DNA2: variants seen among roughly 807,000 people sequenced by gnomAD.
The protein encoded by DNA2 is DNA replication helicase/nuclease 2, also known as DNA replication ATP-dependent helicase/nuclease DNA2.
A neutral mutation model predicts 119.1 loss-of-function variants in DNA2; 101 were observed. That is an observed-to-expected ratio of 0.85 (90% confidence interval 0.72 to 1.00). DNA2 has a LOEUF of 1.00. Ranked by LOEUF, DNA2 falls within the 50% of genes least tolerant of loss-of-function variation. The pLI is 0.00. For synonymous variants in DNA2, 366 were observed against 424.4 expected (o/e 0.86, Z 1.69); for missense variants, 1,121 against 1,255.5 (o/e 0.89, Z 1.62).
At position 68,431,706 on chromosome 10, in the gene DNA2, T is replaced by A. The variant is rs1276579317; in HGVS notation, c.1983+156A>T. ...TCTACATGATTACAACTGTTTGTGC[T>A]TCAGCTTTACTATTTCTCATCATTC... is the stretch of plus-strand genomic sequence containing the variant. On this transcript the variant is annotated intron_variant, in intron 13 of 20. Coordinates refer to ENST00000358410, the MANE Select transcript of DNA2 (RefSeq NM_001080449.3). The A allele has an allele frequency of 2.1e-5, 12 of 560,546 alleles. No individual in the cohort carries two copies. In the Middle Eastern group the frequency reaches 1.6e-3, roughly 73 times the overall value. The allele number at this position is 560,546 out of a possible 1,614,324, so 34.7% of individuals were successfully genotyped here. A position where few individuals can be genotyped will look rare whatever the true frequency, so the allele number is the denominator to read the frequency against.
intron 14 of DNA2, among the ~76,000 whole-genome samples, chr10:68,425,842 A>G (rs1418076415): frequency 6.6e-6 from 1 of 151,884 alleles, no homozygotes; most frequent in African/African-American, 2.4e-5. Context: ...AAACCCAAAA[A>G]ACAAATACCA....
intron 20 of DNA2, among the ~76,000 whole-genome samples, chr10:68,416,237 A>G (rs1043046639): frequency 1.3e-5 from 2 of 152,080 alleles, no homozygotes; most frequent in Non-Finnish European, 2.9e-5. Context: ...GGAGGAGGCG[A>G]GTGAATCACT....
intron 8 of DNA2, 137 bp downstream of exon 8, chr10:68,444,784 A>T: frequency 5.4e-5 from 27 of 504,304 alleles, no homozygotes; most frequent in Non-Finnish European, 6.4e-5. Context: ...TCTTAATTTT[A>T]GAAATAATAC....
chr10:68,417,044 G>A (rs2051598018), intron 19 of DNA2, among the ~76,000 whole-genome samples, 189 bp from the exon 20 acceptor site: 1 of 152,054 alleles, frequency 6.6e-6, no homozygotes, highest in African/African-American at 2.4e-5. Flanking sequence ...AGAAGTTCAA[G>A]ACCAGCCCGT....
intron 2 of DNA2, 84 bp from the exon 3 acceptor site, chr10:68,468,390 ATGAG>A (rs2052351038): frequency 1.1e-6 from 1 of 907,892 alleles, no homozygotes; most frequent in Admixed American, 4.0e-5. Context: ...AAAAAAATAA[ATGAG>A]TATTTTATCT....
intron 1 of DNA2, 32 bp downstream of exon 1, chr10:68,471,759 T>C: frequency 6.4e-7 from 1 of 1,555,122 alleles, no homozygotes; most frequent in Non-Finnish European, 8.7e-7. Flanking sequence ...ATCTCCCGCT[T>C]TGTTCCCACA....
intron 4 of DNA2, among the ~76,000 whole-genome samples, chr10:68,465,449 T>C (rs1012190246): frequency 1.1e-4 from 16 of 152,214 alleles, no homozygotes; most frequent in South Asian, 2.1e-4. Flanking sequence ...GAATCTGTTA[T>C]GCACATGTAC....
chr10:68,419,707 TA>T (rs2051639886), intron 18 of DNA2, 95 bp downstream of exon 18: 1 of 891,900 alleles, frequency 1.1e-6, no homozygotes, highest in African/African-American at 1.7e-5. Context: ...CTTATCTTAA[TA>T]AACGAGACTT....
At chr10:68,436,420 AG>A (rs2051889079) in intron 10 of DNA2, among the ~76,000 whole-genome samples, 1 of 152,176 alleles carries the variant, frequency 6.6e-6, no homozygotes, top group Non-Finnish European at 1.5e-5. Flanking sequence ...GACTTCAGGG[AG>A]GAGAGAGTGG....
At chr10:68,432,849 C>A (rs1050703281) in intron 10 of DNA2, among the ~76,000 whole-genome samples, 6 of 152,186 alleles carry the variant, frequency 3.9e-5, no homozygotes, top group Non-Finnish European at 8.8e-5. Context: ...ACCTGGAGTG[C>A]AGGCTTCTTT....
chr10:68,449,973 C>CAA (rs57883442), intron 6 of DNA2, 55 bp downstream of exon 6: 3,066 of 970,694 alleles, frequency 3.2e-3, no homozygotes, highest in African/African-American at 4.1e-3. Flanking sequence ...GACTCTGTCT[C>CAA]AAAAAAAAAA....
At chr10:68,459,981 C>A (rs190900437) in intron 4 of DNA2, among the ~76,000 whole-genome samples, 128 of 151,288 alleles carry the variant, frequency 8.5e-4, no homozygotes, top group African/African-American at 3.0e-3. Flanking sequence ...GAGCTGAGAT[C>A]GCACCAGTGC....
At chr10:68,449,643 G>C (rs2052091256) in intron 6 of DNA2, among the ~76,000 whole-genome samples, 1 of 152,052 alleles carries the variant, frequency 6.6e-6, no homozygotes, top group African/African-American at 2.4e-5. Flanking sequence ...CAGGCATAAG[G>C]CCGGGCTCAG....
intron 8 of DNA2, among the ~76,000 whole-genome samples, chr10:68,444,215 C>A (rs180951683): frequency 1.3e-5 from 2 of 151,652 alleles, no homozygotes; most frequent in Admixed American, 6.6e-5. Context: ...CATGGTGAAA[C>A]CCTGTCTCTA....
intron 4 of DNA2, 124 bp from the exon 5 acceptor site, chr10:68,459,359 C>CGGGCGCGGTGG: frequency 1.0e-6 from 1 of 994,024 alleles, no homozygotes; most frequent in East Asian, 2.7e-5. Flanking sequence ...TATAAGCAAC[C>CGGGCGCGGTGG]CAACTGTTCG....
At chr10:68,455,128 C>G (rs763057844) in intron 5 of DNA2, among the ~76,000 whole-genome samples, 1 of 151,682 alleles carries the variant, frequency 6.6e-6, no homozygotes, top group South Asian at 2.1e-4. Flanking sequence ...TTAGTAGAGA[C>G]GGGGTTTCAC....
intron 4 of DNA2, 42 bp from the exon 5 acceptor site, chr10:68,459,277 T>C (rs2133431647): frequency 6.8e-7 from 1 of 1,475,914 alleles, no homozygotes; most frequent in Non-Finnish European, 9.0e-7. Flanking sequence ...ACTTAAGCGG[T>C]ACCTGCCAAA....
intron 9 of DNA2, among the ~76,000 whole-genome samples, chr10:68,439,943 TG>T (rs2051945451): frequency 1.3e-5 from 2 of 151,936 alleles, no homozygotes; most frequent in Admixed American, 6.6e-5. Flanking sequence ...AGGCAGAGGT[TG>T]CATGAGCTGA....
At chr10:68,435,938 T>C (rs543742665) in intron 10 of DNA2, among the ~76,000 whole-genome samples, 4 of 152,368 alleles carry the variant, frequency 2.6e-5, no homozygotes, top group South Asian at 2.1e-4. Flanking sequence ...CTGTCTGCTA[T>C]ACATGTGGTT....
Sources: allele counts gnomAD v4.1 joint callset (sites outside exome capture counted in the v4.1 genomes callset), GRCh38; gene constraint gnomAD v4.1.1; transcripts MANE v1.5; gene names NCBI Gene and HGNC (gene_info 2026-07-23, HGNC 2026-07-21).